Variants in DOCK4 observed in about 807,000 individuals in gnomAD.
DOCK4 encodes the protein dedicator of cytokinesis protein 4.
In DOCK4, 97 loss-of-function variants were observed where a neutral mutation model predicts 268.1. The observed-to-expected ratio is 0.36, with a 90% confidence interval of 0.31 to 0.43. DOCK4 has a LOEUF of 0.43. Ranked by LOEUF, DOCK4 falls within the 20% of genes least tolerant of loss-of-function variation. DOCK4 has a pLI of 1.00. For synonymous variants in DOCK4, 954 were observed against 887.2 expected (o/e 1.08, Z -1.34); for missense variants, 2,145 against 2,455.7 (o/e 0.87, Z 2.67).
intron 25 of DOCK4, among the ~76,000 whole-genome samples, chr7:111,835,846 C>T (rs1586131975): frequency 1.3e-5 from 2 of 152,268 alleles, no homozygotes; most frequent in Admixed American, 1.3e-4. Context: ...TGCTATAATA[C>T]TTAAAGACCA....
intron 6 of DOCK4, among the ~76,000 whole-genome samples, chr7:111,988,813 C>T (rs1417783192): frequency 2.0e-5 from 3 of 152,172 alleles, no homozygotes; most frequent in South Asian, 2.1e-4. Context: ...AGACAACAAA[C>T]GACATTTCAG....
At chr7:111,957,139 T>C (rs200636805) in intron 8 of DOCK4, among the ~76,000 whole-genome samples, 1 of 152,136 alleles carries the variant, frequency 6.6e-6, no homozygotes, top group Non-Finnish European at 1.5e-5. Context: ...TTGAAGTCTA[T>C]AGTTTATATA....
At chr7:112,100,209 G>A (rs189484899) in intron 1 of DOCK4, among the ~76,000 whole-genome samples, 5 of 152,262 alleles carry the variant, frequency 3.3e-5, no homozygotes, top group South Asian at 4.1e-4. Context: ...TAGAAACTAC[G>A]TAAAGCCATT....
intron 10 of DOCK4, among the ~76,000 whole-genome samples, chr7:111,944,373 T>C (rs868185289): frequency 6.6e-6 from 1 of 151,816 alleles, no homozygotes; most frequent in African/African-American, 2.4e-5. Context: ...GCTTTTTTTT[T>C]GTAGCACCTT....
At chr7:111,810,465 GAAAA>G (rs1025175286) in intron 28 of DOCK4, among the ~76,000 whole-genome samples, 1 of 140,446 alleles carries the variant, frequency 7.1e-6, no homozygotes, top group Non-Finnish European at 1.6e-5. Flanking sequence ...ACAAAAAAAA[GAAAA>G]AAAAAAGTCA....
chr7:111,890,532 T>C (rs1372974706), intron 16 of DOCK4, among the ~76,000 whole-genome samples: 1 of 152,218 alleles, frequency 6.6e-6, no homozygotes, highest in Non-Finnish European at 1.5e-5. Context: ...CAAATTTTTA[T>C]AGATTTCAGA....
At chr7:112,101,671 C>T (rs1317116507) in intron 1 of DOCK4, among the ~76,000 whole-genome samples, 1 of 152,162 alleles carries the variant, frequency 6.6e-6, no homozygotes, top group African/African-American at 2.4e-5. Flanking sequence ...CTCTCTCAAG[C>T]TGGCACATAG....
At chr7:111,921,680 A>G (rs1245358478) in intron 12 of DOCK4, among the ~76,000 whole-genome samples, 1 of 152,200 alleles carries the variant, frequency 6.6e-6, no homozygotes, top group Non-Finnish European at 1.5e-5. Flanking sequence ...CCACATCTGT[A>G]AAATAAAGAT....
At chr7:112,042,957 C>A (rs1586705498) in intron 1 of DOCK4, among the ~76,000 whole-genome samples, 1 of 152,152 alleles carries the variant, frequency 6.6e-6, no homozygotes, top group South Asian at 2.1e-4. Flanking sequence ...TGCACCGCCC[C>A]GCCCGCAAGT....
chr7:111,760,781 T>TGTGTGTGTGTGTGA (rs61045792), intron 39 of DOCK4, among the ~76,000 whole-genome samples: 17 of 143,324 alleles, frequency 1.2e-4, no homozygotes, highest in African/African-American at 4.2e-4. Flanking sequence ...TGTGTGTGTG[T>TGTGTGTGTGTGTGA]GTATTCTGCC....
At chr7:112,057,175 A>G (rs796195922) in intron 1 of DOCK4, among the ~76,000 whole-genome samples, 4 of 152,246 alleles carry the variant, frequency 2.6e-5, no homozygotes, top group African/African-American at 9.6e-5. Context: ...GCAGCTCAGA[A>G]GGCAGAGGCA....
chr7:112,004,177 C>G (rs1460336789), intron 1 of DOCK4, 46 bp from the exon 2 acceptor site: 2 of 1,417,874 alleles, frequency 1.4e-6, no homozygotes, highest in Admixed American at 4.0e-5. Context: ...ATGTCCATTA[C>G]AGCTTATTAT....
chr7:111,996,662 T>C (rs1399050913), intron 4 of DOCK4, among the ~76,000 whole-genome samples: 1 of 152,182 alleles, frequency 6.6e-6, no homozygotes, highest in East Asian at 1.9e-4. Flanking sequence ...CTGCACAATG[T>C]CCATCATACC....
intron 1 of DOCK4, among the ~76,000 whole-genome samples, chr7:112,070,320 CG>C (rs1366455078): frequency 6.6e-6 from 1 of 152,008 alleles, no homozygotes; most frequent in African/African-American, 2.4e-5. Context: ...TTCAGCACTT[CG>C]GGCTTAAGCA....
intron 12 of DOCK4, among the ~76,000 whole-genome samples, chr7:111,923,144 A>C (rs1383389233): frequency 6.6e-6 from 1 of 152,194 alleles, no homozygotes; most frequent in Non-Finnish European, 1.5e-5. Context: ...TTTAGATACC[A>C]TTTACATTGT....
At chr7:111,742,720 G>A (rs1379719309) in intron 44 of DOCK4, among the ~76,000 whole-genome samples, 3 of 152,132 alleles carry the variant, frequency 2.0e-5, no homozygotes, top group East Asian at 1.9e-4. Flanking sequence ...CTGGCCAGGC[G>A]CGGTGGCTCA....
intron 47 of DOCK4, 129 bp downstream of exon 47, chr7:111,740,965 T>G: frequency 9.1e-7 from 1 of 1,102,922 alleles, no homozygotes; most frequent in Middle Eastern, 2.7e-4. Flanking sequence ...AGAAGAGTGT[T>G]TAAAGGTTTG....
chr7:111,990,600 G>A (rs1350774209), intron 5 of DOCK4, among the ~76,000 whole-genome samples: 3 of 152,106 alleles, frequency 2.0e-5, no homozygotes, highest in African/African-American at 7.2e-5. Flanking sequence ...TTTGCCAGAG[G>A]AACAAAAAGC....
intron 5 of DOCK4, among the ~76,000 whole-genome samples, chr7:111,993,314 A>C (rs1799680773): frequency 6.6e-6 from 1 of 152,234 alleles, no homozygotes; most frequent in South Asian, 2.1e-4. Context: ...CAAATGATTA[A>C]GCTGTTCTAC....
Sources: gnomAD v4.1 joint callset for allele counts (sites outside exome capture counted in the v4.1 genomes callset) on GRCh38, gnomAD v4.1.1 for gene constraint, MANE v1.5 for transcripts, NCBI Gene and HGNC (gene_info 2026-07-23, HGNC 2026-07-21) for gene names.